CDRT4: variants seen among roughly 807,000 people sequenced by gnomAD.
CDRT4 encodes CMT1A duplicated region transcript 4 protein.
For missense variants in CDRT4, 167 were observed against 193.1 expected (o/e 0.87, Z 0.80); for synonymous variants, 64 against 69.6 (o/e 0.92, Z 0.40).
chr17:15,449,873 G>A (rs1489462669), intron 2 of CDRT4, among the ~76,000 whole-genome samples: 3 of 152,094 alleles, frequency 2.0e-5, no homozygotes. Flanking sequence ...CATCTATATT[G>A]CTGCAAAGGA....
chr17:15,440,101 TA>T (rs76160834), intron 3 of CDRT4, 106 bp downstream of exon 3: 74,723 of 709,366 alleles, frequency 0.11, 13 homozygotes, highest in East Asian at 0.12. Context: ...AAATATATAT[TA>T]AAAAAAAAAA....
chr17:15,465,044 TAACACAGACACACACC>T (rs1405486315), intron 1 of CDRT4, among the ~76,000 whole-genome samples: 4 of 75,690 alleles, frequency 5.3e-5, no homozygotes, highest in Admixed American at 1.5e-4. Context: ...CAGACACACA[TAACACAGACACACACC>T]AACACAGACA....
In CDRT4 at chr17:15,447,444, G is replaced by T. The variant is rs76877360; in HGVS notation, c.-48+5560C>A. Among the ~76,000 whole-genome samples, 674 of 152,334 alleles carry T rather than the reference G, an allele frequency of 4.4e-3. 8 individuals are homozygous for T. Among genetic ancestry groups the T allele is most frequent in the African/African-American group, 0.015 (631 of 41,564 alleles). The stretch of plus-strand genomic sequence containing the variant: ...ATTGCTTCCAAATCCTGAGTGAAGT[G>T]CTTCCCCACTCGGGATCCATGTTCT... On this transcript the variant is annotated intron_variant, in intron 2 of 3. Coordinates refer to ENST00000619038, the MANE Select transcript of CDRT4 (RefSeq NM_001204477.2).
chr17:15,460,107 C>T lies in CDRT4; in HGVS notation c.-129-7022G>A, dbSNP rs77767984. On this transcript the variant is annotated intron_variant, in intron 1 of 3. Transcript: ENST00000619038. ...GAACTGCACGCTCTTATATCCAATC[C>T]CTGCCAGACATCTCCTCAAAGATAG... is the stretch of plus-strand genomic sequence containing the variant. Among the ~76,000 whole-genome samples, 636 of 152,188 alleles carry T rather than the reference C, an allele frequency of 4.2e-3. 4 individuals are homozygous for T. The highest frequency in any genetic ancestry group is 4.9e-3 in the Non-Finnish European group (331 of 68,010).
At position 15,437,454 on chromosome 17, in the gene CDRT4, G is replaced by T; in HGVS notation, c.*319C>A. ...ATTCTTTATATTATCTCTAATAAAA[G>T]AGCTTGTGTGATTTCTGTCTCCTGC... On this transcript the variant is annotated 3_prime_UTR_variant, in exon 4 of 4. Transcript: ENST00000619038. 2.5e-6 allele frequency: 1 copy of T among 402,096 alleles called. No individual in the cohort carries two copies. Among genetic ancestry groups the T allele is most frequent in the Non-Finnish European group, 4.5e-6 (1 of 222,054 alleles). 24.9% of individuals were successfully genotyped at this position (402,096 alleles called of 1,614,324 possible). A position where few individuals can be genotyped will look rare whatever the true frequency, so the allele number is the denominator to read the frequency against.
chr17:15,440,461 C>T (rs1275103768), intron 2 of CDRT4, among the ~76,000 whole-genome samples, 176 bp from the exon 3 acceptor site: 3 of 152,102 alleles, frequency 2.0e-5, no homozygotes, highest in Non-Finnish European at 2.9e-5. Context: ...AAGTGAGCCC[C>T]GCAAAGGCCT....
At chr17:15,467,406 T>A (rs1304003072) in intron 1 of CDRT4, 54 bp downstream of exon 1, 2 of 152,228 alleles carry the variant, frequency 1.3e-5, no homozygotes, top group African/African-American at 4.8e-5. Context: ...CTTTTCACTT[T>A]CACCCTCGAC....
At chr17:15,439,524 T>C (rs1249744882) in intron 3 of CDRT4, among the ~76,000 whole-genome samples, 1 of 152,184 alleles carries the variant, frequency 6.6e-6, no homozygotes, top group Non-Finnish European at 1.5e-5. Flanking sequence ...ATGTAAGATC[T>C]TGTGGGATAG....
At chr17:15,438,378 T>C (rs940661757) in intron 3 of CDRT4, among the ~76,000 whole-genome samples, 178 bp from the exon 4 acceptor site, 1 of 152,066 alleles carries the variant, frequency 6.6e-6, no homozygotes, top group African/African-American at 2.4e-5. Context: ...TCCTAGAAAG[T>C]CTATCAATTA....
chr17:15,451,469 T>G (rs199984959), intron 2 of CDRT4, among the ~76,000 whole-genome samples: 1 of 124,032 alleles, frequency 8.1e-6, no homozygotes. Flanking sequence ...CTGCCTAACA[T>G]TCCCCCCTCC....
chr17:15,448,920 G>A (rs890698881), intron 2 of CDRT4, among the ~76,000 whole-genome samples: 14 of 152,178 alleles, frequency 9.2e-5, no homozygotes, highest in African/African-American at 3.1e-4. Context: ...CTCCAGCCCA[G>A]CAGTCCTTGA....
At chr17:15,463,717 C>T (rs1979864353) in intron 1 of CDRT4, among the ~76,000 whole-genome samples, 1 of 152,200 alleles carries the variant, frequency 6.6e-6, no homozygotes, top group African/African-American at 2.4e-5. Context: ...GTGCCAGAGG[C>T]TATGCTAGCT....
intron 2 of CDRT4, among the ~76,000 whole-genome samples, chr17:15,449,020 C>T (rs1340763397): frequency 1.3e-5 from 2 of 152,198 alleles, no homozygotes; most frequent in African/African-American, 4.8e-5. Flanking sequence ...TCCCCAATAA[C>T]GATGCTACAT....
intron 1 of CDRT4, among the ~76,000 whole-genome samples, chr17:15,454,421 G>A (rs554140520): frequency 2.0e-5 from 3 of 152,250 alleles, no homozygotes; most frequent in South Asian, 2.1e-4. Flanking sequence ...CAGAACATCC[G>A]TATAGTCACT....
At chr17:15,465,030 CACACAGACACACATA>C (rs1345533718) in intron 1 of CDRT4, among the ~76,000 whole-genome samples, 6 of 136,512 alleles carry the variant, frequency 4.4e-5, no homozygotes, top group South Asian at 3.1e-4. Context: ...CACACACCAA[CACACAGACACACATA>C]ACACAGACAC....
intron 1 of CDRT4, among the ~76,000 whole-genome samples, chr17:15,457,817 G>A (rs1014613488): frequency 6.6e-6 from 1 of 152,184 alleles, no homozygotes; most frequent in African/African-American, 2.4e-5. Context: ...CAGGGACGAG[G>A]CTAGGAGGTC....
intron 2 of CDRT4, among the ~76,000 whole-genome samples, chr17:15,445,465 C>T (rs960873338): frequency 2.0e-5 from 3 of 152,192 alleles, no homozygotes; most frequent in African/African-American, 7.2e-5. Context: ...AAAAGGAAGA[C>T]TGAATATGCA....
At chr17:15,442,771 A>C (rs975780202) in intron 2 of CDRT4, among the ~76,000 whole-genome samples, 4 of 152,210 alleles carry the variant, frequency 2.6e-5, no homozygotes, top group Non-Finnish European at 4.4e-5. Flanking sequence ...AAAAGAACCA[A>C]GGGAGGGAGT....
At chr17:15,452,365 T>C (rs1347312216) in intron 2 of CDRT4, 5 of 152,260 alleles carry the variant, frequency 3.3e-5, no homozygotes, top group Non-Finnish European at 7.3e-5. Flanking sequence ...TTCAAGCACA[T>C]GGACCCGTGA....
Sources: allele counts gnomAD v4.1 joint callset (sites outside exome capture counted in the v4.1 genomes callset), GRCh38; gene constraint gnomAD v4.1.1; transcripts MANE v1.5; gene names NCBI Gene and HGNC (gene_info 2026-07-23, HGNC 2026-07-21).